CNTNAP5: variants seen among roughly 807,000 people sequenced by gnomAD.
CNTNAP5 encodes the protein contactin associated protein family member 5.
A neutral mutation model predicts 150.2 loss-of-function variants in CNTNAP5; 72 were observed. The observed-to-expected ratio is 0.48, with a 90% confidence interval of 0.40 to 0.58. The LOEUF (loss-of-function observed/expected upper bound fraction) is 0.58, where lower values mean the gene tolerates loss of function less well. CNTNAP5 is among the 20% of genes least tolerant of loss of function. The pLI is 0.00. For missense variants in CNTNAP5, 1,636 were observed against 1,626.2 expected (o/e 1.01, Z -0.10); for synonymous variants, 672 against 619.8 (o/e 1.08, Z -1.25).
At chr2:124,599,027 G>A (rs868748868) in intron 11 of CNTNAP5, among the ~76,000 whole-genome samples, 2,540 of 152,024 alleles carry the variant, frequency 0.017, 30 homozygotes, top group African/African-American at 0.04. Flanking sequence ...ACACCCACTG[G>A]CCTGCGCCCA....
At chr2:124,171,559 G>A (rs755576335) in intron 1 of CNTNAP5, among the ~76,000 whole-genome samples, 7 of 152,100 alleles carry the variant, frequency 4.6e-5, no homozygotes, top group Non-Finnish European at 8.8e-5. Context: ...AGTCCTTGGC[G>A]GCCACATTTT....
intron 12 of CNTNAP5, among the ~76,000 whole-genome samples, chr2:124,626,071 C>A (rs1307663712): frequency 1.3e-5 from 2 of 152,042 alleles, no homozygotes; most frequent in Non-Finnish European, 2.9e-5. Context: ...ATCTGACATG[C>A]CCTAAGACCT....
chr2:124,170,131 C>T (rs998066081), intron 1 of CNTNAP5, among the ~76,000 whole-genome samples: 3 of 152,010 alleles, frequency 2.0e-5, no homozygotes, highest in African/African-American at 4.8e-5. Context: ...AACAGGACCA[C>T]TAAAGGATGA....
At position 124,113,502 on chromosome 2, in the gene CNTNAP5, A is replaced by ATGTGTG. The variant is rs1368941676; in HGVS notation, c.82+87771_82+87772insGTGTGT. ...GTATATATCTATTCAACTGATACAT[A>ATGTGTG]TATATGTGTGTGTGTGTGTGTGTGT... On this transcript the variant is annotated intron_variant, in intron 1 of 23. Transcript: ENST00000682447. Among the ~76,000 whole-genome samples the ATGTGTG allele has an allele frequency of 4.6e-5, 5 of 108,942 alleles. No homozygotes were observed. The South Asian group carries it at 1.3e-3, about 28-fold the overall frequency. The allele number at this position is 108,942 out of a possible 152,430, so 71.5% of individuals were successfully genotyped here.
intron 21 of CNTNAP5, among the ~76,000 whole-genome samples, chr2:124,878,765 C>A (rs1328749360): frequency 1.3e-5 from 2 of 151,694 alleles, no homozygotes; most frequent in Non-Finnish European, 1.5e-5. Flanking sequence ...TCACTGCAAC[C>A]TCTGCCTCCT....
chr2:124,373,529 A>G (rs2104729545), intron 3 of CNTNAP5, among the ~76,000 whole-genome samples: 1 of 152,200 alleles, frequency 6.6e-6, no homozygotes, highest in South Asian at 2.1e-4. Context: ...TTAGCAACAT[A>G]TTTTCCAGTT....
At chr2:124,513,352 C>G (rs913483526) in intron 8 of CNTNAP5, among the ~76,000 whole-genome samples, 1 of 152,190 alleles carries the variant, frequency 6.6e-6, no homozygotes, top group Non-Finnish European at 1.5e-5. Flanking sequence ...ATCCTGTCTC[C>G]AAATACAATT....
chr2:124,866,294 C>A (rs189807854), intron 20 of CNTNAP5, among the ~76,000 whole-genome samples: 2 of 152,216 alleles, frequency 1.3e-5, no homozygotes, highest in East Asian at 3.9e-4. Context: ...AATGCAGATT[C>A]TTGGGTTCCA....
At chr2:124,869,605 G>T (rs984265223) in intron 20 of CNTNAP5, 70 bp from the exon 21 acceptor site, 17 of 985,392 alleles carry the variant, frequency 1.7e-5, no homozygotes, top group Non-Finnish European at 2.7e-5. Context: ...GCTATTTCCA[G>T]ATGGGATCGT....
chr2:124,387,313 AT>A (rs1465286278), intron 3 of CNTNAP5, among the ~76,000 whole-genome samples: 1 of 152,316 alleles, frequency 6.6e-6, no homozygotes, highest in Non-Finnish European at 1.5e-5. Flanking sequence ...CAAATCTATT[AT>A]TTCTATTTCT....
At chr2:124,386,748 CT>C (rs1398940809) in intron 3 of CNTNAP5, among the ~76,000 whole-genome samples, 4 of 152,084 alleles carry the variant, frequency 2.6e-5, no homozygotes, top group African/African-American at 9.7e-5. Flanking sequence ...GTTTTGTTCA[CT>C]TTTCTGATCA....
At chr2:124,410,228 G>A (rs1181045298) in intron 3 of CNTNAP5, among the ~76,000 whole-genome samples, 1 of 148,092 alleles carries the variant, frequency 6.8e-6, no homozygotes, top group Non-Finnish European at 1.5e-5. Context: ...GATTCATAAA[G>A]CAAGTCCTGA....
intron 19 of CNTNAP5, among the ~76,000 whole-genome samples, chr2:124,855,167 C>CTTTTTTTTTTT: frequency 1.4e-5 from 1 of 71,436 alleles, no homozygotes; most frequent in Non-Finnish European, 2.8e-5. Context: ...TGGGCTTTTG[C>CTTTTTTTTTTT]TTTTTTTTTT....
chr2:124,708,238 A>G (rs944573840), intron 13 of CNTNAP5, among the ~76,000 whole-genome samples: 11 of 152,172 alleles, frequency 7.2e-5, no homozygotes, highest in African/African-American at 2.7e-4. Flanking sequence ...GTAGGAATGG[A>G]GGTATCCACA....
intron 1 of CNTNAP5, among the ~76,000 whole-genome samples, chr2:124,110,769 T>C (rs570482298): frequency 1.3e-5 from 2 of 152,336 alleles, no homozygotes; most frequent in Admixed American, 1.3e-4. Context: ...AGTATTCTAC[T>C]GTAAAATGTA....
At chr2:124,600,130 G>C (rs889872074) in intron 11 of CNTNAP5, among the ~76,000 whole-genome samples, 2 of 152,112 alleles carry the variant, frequency 1.3e-5, no homozygotes, top group Admixed American at 1.3e-4. Flanking sequence ...AACAGTTGGT[G>C]AATTGCACAT....
intron 19 of CNTNAP5, among the ~76,000 whole-genome samples, chr2:124,859,358 G>A (rs574824572): frequency 6.5e-4 from 99 of 152,312 alleles, no homozygotes; most frequent in African/African-American, 2.0e-3. Context: ...ACCACAATGA[G>A]ATACCATCTC....
At chr2:124,796,089 C>A (rs1681840713) in intron 18 of CNTNAP5, among the ~76,000 whole-genome samples, 1 of 152,060 alleles carries the variant, frequency 6.6e-6, no homozygotes, top group African/African-American at 2.4e-5. Flanking sequence ...TAGAGTCCAG[C>A]TGTATTGCTG....
intron 19 of CNTNAP5, among the ~76,000 whole-genome samples, chr2:124,820,472 A>G (rs114594042): frequency 0.053 from 7,993 of 151,214 alleles, 601 homozygotes; most frequent in African/African-American, 0.17. Flanking sequence ...AGGAAGGGGA[A>G]AAAAAAAACA....
Sources: allele counts gnomAD v4.1 joint callset (sites outside exome capture counted in the v4.1 genomes callset), GRCh38; gene constraint gnomAD v4.1.1; transcripts MANE v1.5; gene names NCBI Gene and HGNC (gene_info 2026-07-23, HGNC 2026-07-21).